Variants in PRKCA observed in about 807,000 individuals in gnomAD.
The protein encoded by PRKCA is protein kinase C alpha type.
Under a neutral mutation model 87.0 loss-of-function variants are expected in PRKCA, and 27 were observed. That is an observed-to-expected ratio of 0.31 (90% CI 0.23 to 0.43). The LOEUF is 0.43. Among genes scored for constraint, PRKCA ranks in the 20% least tolerant of loss-of-function variants. The pLI, the probability that PRKCA is intolerant of heterozygous loss-of-function variation, is 1.00. For missense variants in PRKCA, 518 were observed against 852.3 expected (o/e 0.61, Z 4.88); for synonymous variants, 329 against 311.1 (o/e 1.06, Z -0.61).
intron 8 of PRKCA, among the ~76,000 whole-genome samples, chr17:66,719,527 T>C (rs1973560525): frequency 6.6e-6 from 1 of 152,210 alleles, no homozygotes; most frequent in Non-Finnish European, 1.5e-5. Flanking sequence ...TCCCAGCACT[T>C]TGGCCGAGGT....
chr17:66,692,877 G>A (rs538208928), intron 8 of PRKCA, among the ~76,000 whole-genome samples: 23 of 152,234 alleles, frequency 1.5e-4, no homozygotes, highest in African/African-American at 5.3e-4. Flanking sequence ...AAACACACAC[G>A]AGGGTTCGTC....
chr17:66,631,254 G>C (rs1056811146), intron 3 of PRKCA, among the ~76,000 whole-genome samples: 1 of 152,144 alleles, frequency 6.6e-6, no homozygotes, highest in Non-Finnish European at 1.5e-5. Flanking sequence ...TTCACATGGT[G>C]GGCACACCAC....
rs112801162 is a variant in PRKCA at position 66,692,102 on chromosome 17, C to G, written c.918+3055C>G. ...GGGAGGGCTGTGGACTTGGCAGGAG[C>G]GCCAGCCCAAGGCTGTGAGCATCCT... On this transcript the variant is annotated intron_variant, in intron 8 of 16. Transcript: ENST00000413366. Among the ~76,000 whole-genome samples the G allele has an allele frequency of 2.6e-5, 4 of 152,302 alleles. 1 individual carries two copies. The highest frequency in any genetic ancestry group is 9.6e-5 in the African/African-American group (4 of 41,566).
At position 66,735,539 on chromosome 17, in the gene PRKCA, C is replaced by T. The variant is rs747224875; in HGVS notation, c.1107C>T (p.Ile369=). The T allele has an allele frequency of 6.2e-7, 1 of 1,614,152 alleles. No homozygotes were observed. The highest frequency in any genetic ancestry group is 8.5e-7 in the Non-Finnish European group (1 of 1,180,028). Residue 369 remains isoleucine, a synonymous_variant, in exon 10 of 17, where the codon ATC becomes ATT. Coordinates refer to ENST00000413366, the MANE Select transcript of PRKCA (RefSeq NM_002737.3). ...KGTEELYAIK[I]LKKDVVIQDD... is the part of the protein sequence containing the mutation. Reference sequence around the variant, plus strand: ...CAGAAGAACTGTATGCAATCAAAATCCTGAAGAAGGATGTGGTGATTCAGG... The same window carrying T: ...CAGAAGAACTGTATGCAATCAAAATTCTGAAGAAGGATGTGGTGATTCAGG...
intron 13 of PRKCA, among the ~76,000 whole-genome samples, chr17:66,753,836 G>A (rs935023777): frequency 1.1e-4 from 17 of 152,248 alleles, no homozygotes; most frequent in African/African-American, 4.1e-4. Context: ...GGCACCAAGA[G>A]AGGCCTCACC....
intron 14 of PRKCA, among the ~76,000 whole-genome samples, chr17:66,776,090 C>G (rs912439179): frequency 6.6e-6 from 1 of 152,150 alleles, no homozygotes; most frequent in Non-Finnish European, 1.5e-5. Flanking sequence ...TGTGCAGCCA[C>G]GTTTAAGAAA....
chr17:66,432,485 G>A (rs1483104893), intron 2 of PRKCA, among the ~76,000 whole-genome samples: 2 of 152,112 alleles, frequency 1.3e-5, no homozygotes, highest in Non-Finnish European at 2.9e-5. Context: ...CTTCCCTGTG[G>A]TGATTAATCT....
rs534033696 is a variant in PRKCA, at chr17:66,689,910, A to T, written c.918+863A>T. Among the ~76,000 whole-genome samples, 1 of 152,308 alleles carries T rather than the reference A, an allele frequency of 6.6e-6. No homozygotes were observed. Among genetic ancestry groups the T allele is most frequent in the African/African-American group, 2.4e-5 (1 of 41,554 alleles). On this transcript the variant is annotated intron_variant, in intron 8 of 16. Coordinates refer to ENST00000413366, the MANE Select transcript of PRKCA (RefSeq NM_002737.3). The surrounding 1 kb of genome is among the most constrained non-coding windows in gnomAD (Gnocchi z 4.1). The stretch of plus-strand genomic sequence containing the variant: ...CTTCAGACTTGTTAGAATTCCCTGG[A>T]ATTTCCCCGCTCTAGAGCAGTACAC...
chr17:66,773,420 TC>T (rs1337713365), intron 13 of PRKCA, among the ~76,000 whole-genome samples: 1 of 151,878 alleles, frequency 6.6e-6, no homozygotes, highest in Non-Finnish European at 1.5e-5. Flanking sequence ...ACTATTATAC[TC>T]TTAGTAAAGC....
chr17:66,383,544 C>T (rs998506837), intron 2 of PRKCA, among the ~76,000 whole-genome samples: 2 of 152,130 alleles, frequency 1.3e-5, no homozygotes, highest in African/African-American at 4.8e-5. Context: ...TTAACAAAGG[C>T]TCTGAGAGTT....
rs76800346 is a variant in PRKCA at position 66,432,957 on chromosome 17, C to A, written c.206-63244C>A. Among the ~76,000 whole-genome samples, 337 of 152,254 alleles carry A rather than the reference C, an allele frequency of 2.2e-3. 1 individual carries two copies. Among genetic ancestry groups the A allele is most frequent in the African/African-American group, 7.7e-3 (320 of 41,534 alleles). Reference sequence around the variant, plus strand: ...TAAGACCTTTCAGTAAGTGAGAGGGCAGCTTGTGAAGCCAGGCTCTTTGTG... The same window carrying A: ...TAAGACCTTTCAGTAAGTGAGAGGGAAGCTTGTGAAGCCAGGCTCTTTGTG... On this transcript the variant is annotated intron_variant, in intron 2 of 16. Coordinates refer to ENST00000413366, the MANE Select transcript of PRKCA (RefSeq NM_002737.3).
At chr17:66,318,888 A>G (rs1423382655) in intron 2 of PRKCA, among the ~76,000 whole-genome samples, 2 of 151,906 alleles carry the variant, frequency 1.3e-5, no homozygotes, top group Non-Finnish European at 2.9e-5. Flanking sequence ...TGGCTGGCCT[A>G]AGTAGGCAGA....
rs1973686933 is a variant in PRKCA at position 66,724,271 on chromosome 17, G to A, written c.919-8417G>A. Among the ~76,000 whole-genome samples the A allele has an allele frequency of 1.3e-5, 2 of 150,536 alleles. 1 individual carries two copies. Among genetic ancestry groups the A allele is most frequent in the African/African-American group, 4.9e-5 (2 of 40,612 alleles). On this transcript the variant is annotated intron_variant, in intron 8 of 16. Transcript: ENST00000413366. ...AGATCGCGCCACTGTACTCCAGCCT[G>A]GGCGACAGAGCGAGACTCCATCTCA...
intron 3 of PRKCA, among the ~76,000 whole-genome samples, chr17:66,509,170 GTGTGTGTA>G (rs1285469991): frequency 3.3e-5 from 4 of 120,432 alleles, no homozygotes; most frequent in African/African-American, 1.2e-4. Flanking sequence ...GAACGTGTGT[GTGTGTGTA>G]TGTGTGTGTG....
intron 2 of PRKCA, among the ~76,000 whole-genome samples, chr17:66,316,514 T>G (rs978744044): frequency 3.3e-5 from 5 of 152,188 alleles, no homozygotes; most frequent in Non-Finnish European, 5.9e-5. Context: ...AATTATGAAT[T>G]TTTAAATTTT....
intron 14 of PRKCA, among the ~76,000 whole-genome samples, chr17:66,781,885 ATAGT>A (rs1230380928): frequency 1.1e-4 from 15 of 131,450 alleles, no homozygotes; most frequent in African/African-American, 2.6e-4. Context: ...ATATATATAT[ATAGT>A]GTGTGTGTGT....
chr17:66,439,088 A>G (rs1913570321), intron 2 of PRKCA, among the ~76,000 whole-genome samples: 1 of 152,174 alleles, frequency 6.6e-6, no homozygotes. Flanking sequence ...AAGGCACTGT[A>G]CTGAGCGCTT....
At chr17:66,405,562 A>C (rs1005996703) in intron 2 of PRKCA, among the ~76,000 whole-genome samples, 1 of 152,210 alleles carries the variant, frequency 6.6e-6, no homozygotes, top group African/African-American at 2.4e-5. Context: ...GAAAAAAAAA[A>C]CCAACCCTTG....
At chr17:66,718,743 T>A (rs926155625) in intron 8 of PRKCA, among the ~76,000 whole-genome samples, 5 of 152,196 alleles carry the variant, frequency 3.3e-5, no homozygotes, top group Non-Finnish European at 1.5e-5. Context: ...GATTTCAACA[T>A]GTGAATTTGA....
Sources: allele counts gnomAD v4.1 joint callset (sites outside exome capture counted in the v4.1 genomes callset), GRCh38; gene constraint gnomAD v4.1.1; non-coding constraint Gnocchi (gnomAD v3.1); transcripts MANE v1.5; gene names NCBI Gene and HGNC (gene_info 2026-07-23, HGNC 2026-07-21).